SLIT2: variants seen among roughly 807,000 people sequenced by gnomAD.
SLIT2 encodes the protein slit homolog 2 protein.
A neutral mutation model predicts 185.7 loss-of-function variants in SLIT2; 41 were observed. The observed-to-expected ratio is 0.22, with a 90% confidence interval of 0.17 to 0.29. SLIT2 has a LOEUF of 0.29. Ranked by LOEUF, SLIT2 falls within the 10% of genes least tolerant of loss-of-function variation. The pLI is 1.00. For missense variants in SLIT2, 1,571 were observed against 1,909.0 expected, an observed-to-expected ratio of 0.82 and a Z score of 3.30; for synonymous variants, 693 against 680.2, an observed-to-expected ratio of 1.02 and a Z score of -0.29.
intron 4 of SLIT2, among the ~76,000 whole-genome samples, chr4:20,309,564 T>C (rs1377757736): frequency 6.6e-6 from 1 of 151,998 alleles, no homozygotes; most frequent in Non-Finnish European, 1.5e-5. Flanking sequence ...ACAAATAAAA[T>C]CCTCTTTACT....
Position 20,617,004 on chromosome 4 carries a change from CAGTG to C in SLIT2, c.3945_3948del (p.Glu1316CysfsTer142). 6.2e-7 allele frequency: 1 copy of C among 1,614,144 alleles called. No homozygotes were observed. Among genetic ancestry groups the C allele is most frequent in the Non-Finnish European group, 8.5e-7 (1 of 1,180,028 alleles). ...GCTGCATCCGGAACCTTTACATCAA[CAGTG>C]AGCTGCAGGACTTCCAGAAGGTGCC... On this transcript the variant is annotated frameshift_variant, in exon 35 of 37. Transcript: ENST00000504154. LOFTEE classifies it high-confidence loss of function.
At chr4:20,354,619 A>G (rs765182265) in intron 4 of SLIT2, among the ~76,000 whole-genome samples, 7 of 152,164 alleles carry the variant, frequency 4.6e-5, no homozygotes, top group East Asian at 1.9e-4. Flanking sequence ...GGTACCTTGC[A>G]TGGCTTTTAA....
At chr4:20,322,218 C>A (rs953484735) in intron 4 of SLIT2, among the ~76,000 whole-genome samples, 25 of 152,174 alleles carry the variant, frequency 1.6e-4, no homozygotes, top group African/African-American at 6.0e-4. Context: ...CCAAAGTTAA[C>A]TACATGCACC....
At chr4:20,589,268 T>A (rs1424536400) in intron 29 of SLIT2, among the ~76,000 whole-genome samples, 1 of 152,152 alleles carries the variant, frequency 6.6e-6, no homozygotes, top group Non-Finnish European at 1.5e-5. Flanking sequence ...AGTTTGTGAA[T>A]AATCATTACC....
At chr4:20,302,412 T>G (rs921942133) in intron 4 of SLIT2, among the ~76,000 whole-genome samples, 1 of 152,146 alleles carries the variant, frequency 6.6e-6, no homozygotes, top group African/African-American at 2.4e-5. Flanking sequence ...TTATCCAGTG[T>G]CTGCTACATG....
At chr4:20,456,222 C>T (rs987665239) in intron 4 of SLIT2, among the ~76,000 whole-genome samples, 1 of 152,054 alleles carries the variant, frequency 6.6e-6, no homozygotes, top group Non-Finnish European at 1.5e-5. Context: ...TAACTGAAAA[C>T]TTCTTAGTCC....
At chr4:20,615,525 G>A (rs1729584728) in intron 34 of SLIT2, 2 of 152,152 alleles carry the variant, frequency 1.3e-5, no homozygotes, top group Admixed American at 1.3e-4. Flanking sequence ...ACAAACTTAG[G>A]ACAACTTCTC....
chr4:20,269,400 T>C (rs1048285816), intron 4 of SLIT2, among the ~76,000 whole-genome samples: 1 of 151,880 alleles, frequency 6.6e-6, no homozygotes, highest in African/African-American at 2.4e-5. Context: ...GCAATATGAA[T>C]GACTGTATGG....
chr4:20,504,896 G>T (rs1032675090), intron 9 of SLIT2, among the ~76,000 whole-genome samples: 1 of 151,768 alleles, frequency 6.6e-6, no homozygotes, highest in Non-Finnish European at 1.5e-5. Context: ...AATAATTGTT[G>T]TATTTTATTA....
intron 9 of SLIT2, among the ~76,000 whole-genome samples, chr4:20,500,280 A>G (rs1179562844): frequency 6.6e-6 from 1 of 152,192 alleles, no homozygotes; most frequent in Non-Finnish European, 1.5e-5. Flanking sequence ...ATGTAATGGA[A>G]ATCGGCATAA....
chr4:20,273,243 A>ATC (rs1328928991), intron 4 of SLIT2, among the ~76,000 whole-genome samples: 1 of 152,006 alleles, frequency 6.6e-6, no homozygotes, highest in Non-Finnish European at 1.5e-5. Flanking sequence ...TGTAAAAAAG[A>ATC]TCTAGGAAAT....
At chr4:20,385,424 A>G (rs1240169179) in intron 4 of SLIT2, among the ~76,000 whole-genome samples, 1 of 152,142 alleles carries the variant, frequency 6.6e-6, no homozygotes, top group Non-Finnish European at 1.5e-5. Flanking sequence ...TAATGAATGG[A>G]TTGAGGGAGA....
At chr4:20,423,314 C>T (rs937565473) in intron 4 of SLIT2, among the ~76,000 whole-genome samples, 1 of 151,282 alleles carries the variant, frequency 6.6e-6, no homozygotes, top group Non-Finnish European at 1.5e-5. Context: ...AAATAGATAC[C>T]CTTAGTGAAC....
chr4:20,484,062 G>T lies in SLIT2; in HGVS notation c.540-2138G>T, dbSNP rs1716970976. Among the ~76,000 whole-genome samples, 1 of 152,002 alleles carries T rather than the reference G, an allele frequency of 6.6e-6. No individual in the cohort carries two copies. The highest frequency in any genetic ancestry group is 2.1e-4 in the South Asian group (1 of 4,824). ...TATGTGAACTAACATTTTGAGAAAA[G>T]ACTTCAAATTGATAACTGAAGTTTT... On this transcript the variant is annotated intron_variant, in intron 6 of 36. Coordinates refer to ENST00000504154, the MANE Select transcript of SLIT2 (RefSeq NM_004787.4). This position sits in a 1 kb window ranked among gnomAD's most constrained non-coding sequence, Gnocchi z 4.3.
intron 9 of SLIT2, among the ~76,000 whole-genome samples, chr4:20,508,438 G>A (rs1282971271): frequency 6.6e-6 from 1 of 151,900 alleles, no homozygotes; most frequent in East Asian, 1.9e-4. Flanking sequence ...TAAGGAAATA[G>A]GGTATTTTTC....
At chr4:20,337,364 C>G (rs1175648042) in intron 4 of SLIT2, among the ~76,000 whole-genome samples, 1 of 152,004 alleles carries the variant, frequency 6.6e-6, no homozygotes, top group Non-Finnish European at 1.5e-5. Context: ...TTCACTATCA[C>G]AAGAACAGCA....
chr4:20,324,544 A>G (rs887504962), intron 4 of SLIT2, among the ~76,000 whole-genome samples: 2 of 152,160 alleles, frequency 1.3e-5, no homozygotes, highest in East Asian at 1.9e-4. Context: ...AATTGAAAAG[A>G]CATGGGAAAG....
At chr4:20,381,608 A>AT (rs1224378078) in intron 4 of SLIT2, among the ~76,000 whole-genome samples, 1 of 152,168 alleles carries the variant, frequency 6.6e-6, no homozygotes, top group Admixed American at 6.5e-5. Flanking sequence ...TTTTCCAAAA[A>AT]TAGATAGCAT....
At position 20,345,595 on chromosome 4, in the gene SLIT2, G is replaced by A. The variant is rs190632986; in HGVS notation, c.395+76714G>A. On this transcript the variant is annotated intron_variant, in intron 4 of 36. Transcript: ENST00000504154. ...TTGTCACCCAGGCTGGAGTGCAGTG[G>A]CGTGATCTTGGCTCACGGCAACCTC... is the stretch of plus-strand genomic sequence containing the variant. Among the ~76,000 whole-genome samples the A allele has an allele frequency of 5.7e-4, 83 of 146,506 alleles. No individual in the cohort carries two copies. The East Asian group carries it at 0.015, about 27-fold the overall frequency.
Sources: allele counts gnomAD v4.1 joint callset (sites outside exome capture counted in the v4.1 genomes callset), GRCh38; gene constraint gnomAD v4.1.1; non-coding constraint Gnocchi (gnomAD v3.1); transcripts MANE v1.5; gene names NCBI Gene and HGNC (gene_info 2026-07-23, HGNC 2026-07-21).